Variants in ADAMTSL1 observed in about 807,000 individuals in gnomAD.
ADAMTSL1 encodes ADAMTS-like protein 1.
A neutral mutation model predicts 201.8 loss-of-function variants in ADAMTSL1; 126 were observed. The ratio of observed to expected loss-of-function variants is 0.62; its 90% confidence interval spans 0.54 to 0.72. The LOEUF (loss-of-function observed/expected upper bound fraction) is 0.72. ADAMTSL1 is among the 30% of genes least tolerant of loss of function. The probability of loss-of-function intolerance (pLI) is 0.00; values close to 1 mark genes in which losing one functional copy is unlikely to be tolerated. For synonymous variants in ADAMTSL1, 1,121 were observed against 903.4 expected, an observed-to-expected ratio of 1.24 and a Z score of -4.32; for missense variants, 2,679 against 2,277.8, an observed-to-expected ratio of 1.18 and a Z score of -3.59.
Position 18,910,155 on chromosome 9 carries a change from T to G in ADAMTSL1, c.*1607T>G, listed in dbSNP as rs1440601302. The G allele has an allele frequency of 5.3e-5, 8 of 152,142 alleles. No homozygotes were observed. Among genetic ancestry groups the G allele is most frequent in the Non-Finnish European group, 8.8e-5 (6 of 68,036 alleles). The allele number at this position is 152,142 out of a possible 1,614,324, so 9.4% of individuals were successfully genotyped here. ...GTAAAATTTGAGAGGAAGACAATAT[T>G]AATCTGTGTCCCCACCTAGTGAGCT... On this transcript the variant is annotated 3_prime_UTR_variant, in exon 29 of 29. Coordinates refer to ENST00000380548, the MANE Select transcript of ADAMTSL1 (RefSeq NM_001040272.6).
At chr9:18,736,776 T>C (rs1267945464) in intron 15 of ADAMTSL1, among the ~76,000 whole-genome samples, 1 of 152,210 alleles carries the variant, frequency 6.6e-6, no homozygotes, top group Non-Finnish European at 1.5e-5. Context: ...TGCTACATTG[T>C]TTCATCCTCA....
rs536841250 is a variant in ADAMTSL1, at chr9:18,464,123, C to G, written c.208-40706C>G. ...TAATGATTTACTGTGGAATCATTAA[C>G]TCTCTTCCCCAGCCTTCTTGAGACT... On this transcript the variant is annotated intron_variant, in intron 2 of 29. Coordinates refer to the ADAMTSL1 transcript ENST00000680146. Among the ~76,000 whole-genome samples, 571 of 152,344 alleles carry G rather than the reference C, an allele frequency of 3.7e-3. 1 individual carries two copies. Among genetic ancestry groups the G allele is most frequent in the Middle Eastern group, 0.01 (3 of 294 alleles).
chr9:18,843,059 G>C (rs1825837723), intron 23 of ADAMTSL1, among the ~76,000 whole-genome samples: 2 of 151,812 alleles, frequency 1.3e-5, no homozygotes. Context: ...TGTTATGTGT[G>C]AATCTGATCC....
chr9:17,952,161 C>T (rs1302421770), intron 1 of ADAMTSL1, among the ~76,000 whole-genome samples: 2 of 151,016 alleles, frequency 1.3e-5, no homozygotes, highest in East Asian at 1.9e-4. Context: ...GCTACGTTGC[C>T]CAGGCAGGCC....
chr9:18,283,784 C>T (rs1463860680), intron 2 of ADAMTSL1, among the ~76,000 whole-genome samples: 6 of 149,816 alleles, frequency 4.0e-5, no homozygotes, highest in African/African-American at 1.2e-4. Flanking sequence ...TGGTGGCGGG[C>T]GCCTGTAGTC....
chr9:17,937,224 C>T (rs940495586), intron 1 of ADAMTSL1, among the ~76,000 whole-genome samples: 1 of 152,138 alleles, frequency 6.6e-6, no homozygotes, highest in Non-Finnish European at 1.5e-5. Context: ...CGGAACAGCA[C>T]ATTGCGGTGG....
intron 2 of ADAMTSL1, among the ~76,000 whole-genome samples, chr9:18,418,383 G>T (rs1274971207): frequency 6.6e-6 from 1 of 152,046 alleles, no homozygotes; most frequent in African/African-American, 2.4e-5. Flanking sequence ...GTAAGAAAAA[G>T]AAATGAAAAT....
intron 2 of ADAMTSL1, among the ~76,000 whole-genome samples, chr9:18,275,482 G>T (rs1213056138): frequency 6.6e-6 from 1 of 152,090 alleles, no homozygotes; most frequent in African/African-American, 2.4e-5. Flanking sequence ...AGCACAAAAA[G>T]TTCTCTTATT....
intron 1 of ADAMTSL1, among the ~76,000 whole-genome samples, chr9:18,034,356 C>T (rs1352658836): frequency 6.6e-6 from 1 of 152,134 alleles, no homozygotes; most frequent in Non-Finnish European, 1.5e-5. Context: ...ACCAAACTCT[C>T]TAAAGCCACC....
intron 12 of ADAMTSL1, 83 bp downstream of exon 12, chr9:18,682,042 A>T: frequency 7.2e-7 from 1 of 1,394,492 alleles, no homozygotes; most frequent in Non-Finnish European, 9.8e-7. Context: ...AATATTTTTA[A>T]GTATCCCAAG....
intron 4 of ADAMTSL1, among the ~76,000 whole-genome samples, chr9:18,575,092 AT>A (rs1237135493): frequency 6.6e-6 from 1 of 152,146 alleles, no homozygotes; most frequent in Non-Finnish European, 1.5e-5. Flanking sequence ...GTCAGCTGAA[AT>A]TTTCTCTCTT....
chr9:18,822,330 T>A (rs1824260958), intron 21 of ADAMTSL1, among the ~76,000 whole-genome samples: 1 of 152,172 alleles, frequency 6.6e-6, no homozygotes, highest in South Asian at 2.1e-4. Context: ...ACATGGATTC[T>A]GGAACCTCTC....
chr9:18,415,958 T>A (rs2133336871), intron 2 of ADAMTSL1, among the ~76,000 whole-genome samples: 1 of 152,068 alleles, frequency 6.6e-6, no homozygotes, highest in African/African-American at 2.4e-5. Flanking sequence ...GTAGAATATC[T>A]CTCGCAAATG....
At chr9:18,456,550 T>A (rs1202477633) in intron 2 of ADAMTSL1, among the ~76,000 whole-genome samples, 1 of 152,224 alleles carries the variant, frequency 6.6e-6, no homozygotes, top group Non-Finnish European at 1.5e-5. Context: ...GTAGAGGCCC[T>A]TCCCTTAGTA....
chr9:17,950,014 G>C (rs544924305), intron 1 of ADAMTSL1, among the ~76,000 whole-genome samples: 7 of 152,074 alleles, frequency 4.6e-5, no homozygotes, highest in African/African-American at 1.7e-4. Context: ...TGTCTCCCGG[G>C]TTCAAGTGAT....
intron 2 of ADAMTSL1, among the ~76,000 whole-genome samples, chr9:18,261,286 C>T (rs1025745264): frequency 6.6e-6 from 1 of 152,106 alleles, no homozygotes; most frequent in Non-Finnish European, 1.5e-5. Context: ...TTTTGCTTGA[C>T]ACATTTTAAG....
Position 18,770,704 on chromosome 9 carries a change from G to C in ADAMTSL1, c.2320G>C (p.Ala774Pro). The C allele has an allele frequency of 6.2e-7, 1 of 1,613,836 alleles. No individual in the cohort carries two copies. The highest frequency in any genetic ancestry group is 8.5e-7 in the Non-Finnish European group (1 of 1,179,858). The part of the protein sequence containing the change: ...FLELPETFCS[A>P]SKPACQQACK... ...GGAGCTTCCTGAGACCTTCTGTTCA[G>C]CTTCAAAACCTGCCTGCCAGCAAGC... is the stretch of plus-strand genomic sequence containing the variant. The change falls in exon 17 of 29, where the codon GCT becomes CCT. Residue 774 changes from alanine to proline, a missense_variant. Ala to Pro is a conservative substitution (Grantham distance 27). Transcript: ENST00000380548.
chr9:18,567,099 A>C (rs1345489016), intron 3 of ADAMTSL1, among the ~76,000 whole-genome samples: 2 of 152,098 alleles, frequency 1.3e-5, no homozygotes, highest in Non-Finnish European at 2.9e-5. Context: ...GTGGGGCCCC[A>C]ACAATCCTGT....
At chr9:18,044,382 G>T (rs16936265) in intron 1 of ADAMTSL1, among the ~76,000 whole-genome samples, 7,873 of 152,174 alleles carry the variant, frequency 0.052, 550 homozygotes, top group African/African-American at 0.17. Flanking sequence ...TGGTGCCTTT[G>T]TGAAACTATG....
Sources: gnomAD v4.1 joint callset for allele counts (sites outside exome capture counted in the v4.1 genomes callset) on GRCh38, gnomAD v4.1.1 for gene constraint, MANE v1.5 for transcripts, NCBI Gene and HGNC (gene_info 2026-07-23, HGNC 2026-07-21) for gene names.